The following TTC28 variants were observed in gnomAD, a reference collection of about 807,000 sequenced individuals.
The protein encoded by TTC28 is tetratricopeptide repeat protein 28.
A neutral mutation model predicts 198.0 loss-of-function variants in TTC28; 61 were observed. The ratio of observed to expected loss-of-function variants is 0.31; its 90% CI spans 0.25 to 0.38. The LOEUF is 0.38. Ranked by LOEUF, TTC28 falls within the 10% of genes least tolerant of loss-of-function variation. The pLI is 1.00. For missense variants in TTC28, 2,678 were observed against 3,164.0 expected (o/e 0.85, Z 3.69); for synonymous variants, 1,171 against 1,297.8 (o/e 0.90, Z 2.10).
chr22:28,019,957 C>A (rs907986824), intron 13 of TTC28, among the ~76,000 whole-genome samples: 1 of 152,236 alleles, frequency 6.6e-6, no homozygotes, highest in Non-Finnish European at 1.5e-5. Flanking sequence ...AGGCCTGCCA[C>A]GGCGGCCTCA....
chr22:28,302,790 T>A (rs2145797892), intron 3 of TTC28, among the ~76,000 whole-genome samples: 1 of 152,274 alleles, frequency 6.6e-6, no homozygotes. Flanking sequence ...TTCTCCTGCC[T>A]CAGCCTCCTG....
intron 6 of TTC28, among the ~76,000 whole-genome samples, chr22:28,148,652 C>T (rs1284548765): frequency 6.7e-6 from 1 of 150,248 alleles, no homozygotes; most frequent in East Asian, 1.9e-4. Context: ...CTTCTATATA[C>T]AATTCTCTTT....
At chr22:28,531,496 T>G (rs2049139123) in intron 2 of TTC28, among the ~76,000 whole-genome samples, 1 of 152,162 alleles carries the variant, frequency 6.6e-6, no homozygotes, top group Admixed American at 6.5e-5. Context: ...ATTAAACAGA[T>G]CAATGAGACA....
intron 4 of TTC28, 32 bp downstream of exon 4, chr22:28,297,548 T>G: frequency 2.0e-6 from 3 of 1,536,892 alleles, no homozygotes; most frequent in Non-Finnish European, 1.8e-6. Context: ...TTTGTTCCCT[T>G]TCTGCACTGA....
At chr22:28,640,202 G>A (rs1200556003) in intron 1 of TTC28, among the ~76,000 whole-genome samples, 2 of 150,620 alleles carry the variant, frequency 1.3e-5, no homozygotes, top group Admixed American at 1.3e-4. Context: ...TTAGGCTGTG[G>A]TGAACCGTGA....
intron 2 of TTC28, among the ~76,000 whole-genome samples, chr22:28,498,769 T>C (rs1378157458): frequency 6.6e-6 from 1 of 152,078 alleles, no homozygotes; most frequent in African/African-American, 2.4e-5. Flanking sequence ...TTAGTAGGAG[T>C]TCATTCTTAT....
chr22:28,476,978 T>C (rs2146312643), intron 2 of TTC28, among the ~76,000 whole-genome samples: 2 of 152,300 alleles, frequency 1.3e-5, no homozygotes, highest in Middle Eastern at 6.8e-3. Flanking sequence ...TGGTGAATTG[T>C]ACAGACATTA....
At chr22:28,555,972 A>G (rs750006581) in intron 2 of TTC28, among the ~76,000 whole-genome samples, 5 of 151,822 alleles carry the variant, frequency 3.3e-5, no homozygotes, top group Non-Finnish European at 5.9e-5. Flanking sequence ...CATATATCAG[A>G]CTTTTCTGAG....
intron 5 of TTC28, among the ~76,000 whole-genome samples, chr22:28,248,729 A>G (rs16986197): frequency 0.062 from 9,512 of 152,238 alleles, 449 homozygotes; most frequent in African/African-American, 0.13. Context: ...GGCCAAGAAT[A>G]AAGGTCTACA....
At position 28,615,892 on chromosome 22, in the gene TTC28, T is replaced by C. The variant is rs570645171; in HGVS notation, c.381+13660A>G. On this transcript the variant is annotated intron_variant, in intron 2 of 22. Coordinates refer to ENST00000397906, the MANE Select transcript of TTC28 (RefSeq NM_001145418.2). ...CAAACCACCATGGGATGTGTATACC[T>C]ATGTAACAAACCTGCACATTCTGCA... Among the ~76,000 whole-genome samples the C allele has an allele frequency of 1.4e-3, 219 of 152,276 alleles. 1 individual carries two copies. Among genetic ancestry groups the C allele is most frequent in the African/African-American group, 3.9e-3 (163 of 41,568 alleles).
intron 5 of TTC28, among the ~76,000 whole-genome samples, chr22:28,245,056 C>G (rs1929979076): frequency 6.6e-6 from 1 of 152,090 alleles, no homozygotes; most frequent in Admixed American, 6.6e-5. Context: ...TTAGAGCCAG[C>G]TAGAACAGAA....
At chr22:28,558,154 T>G (rs1024000310) in intron 2 of TTC28, among the ~76,000 whole-genome samples, 23 of 152,246 alleles carry the variant, frequency 1.5e-4, no homozygotes, top group African/African-American at 5.3e-4. Context: ...CTGTTATTCT[T>G]CCGAAGGTGA....
rs1430141427 is a variant in TTC28, at chr22:27,979,096, A to G, written c.*3125T>C. On this transcript the variant is annotated 3_prime_UTR_variant, in exon 23 of 23. Transcript: ENST00000397906. ...GGGCTCCCCGGACGCCAGTCAGTCT[A>G]TCCACTACCTGACTTGCTTTTCCTA... 2 of 152,248 alleles carry G rather than the reference A, an allele frequency of 1.3e-5. No homozygotes were observed. The allele number at this position is 152,248 out of a possible 1,614,324, so 9.4% of individuals were successfully genotyped here.
At chr22:28,504,415 CAT>C (rs975159873) in intron 2 of TTC28, among the ~76,000 whole-genome samples, 1 of 152,002 alleles carries the variant, frequency 6.6e-6, no homozygotes, top group Non-Finnish European at 1.5e-5. Flanking sequence ...CTCATATACA[CAT>C]ATATACATAC....
At chr22:28,577,788 G>A (rs778192949) in intron 2 of TTC28, among the ~76,000 whole-genome samples, 4 of 151,856 alleles carry the variant, frequency 2.6e-5, no homozygotes, top group Non-Finnish European at 4.4e-5. Context: ...AGCTATTCCT[G>A]CTCTTTTTTG....
Position 28,005,172 on chromosome 22 carries a change from C to T in TTC28, c.4219-3619G>A, listed in dbSNP as rs1455620931. ...GCGCTCTCACCAAGGGGCTGTGACC[C>T]TGACTGTGGCAATGTGAGTCCAGGC... On this transcript the variant is annotated intron_variant, in intron 14 of 22. Transcript: ENST00000397906. The surrounding 1 kb of genome is among the most constrained non-coding windows in gnomAD (Gnocchi z 4.9). Among the ~76,000 whole-genome samples the T allele has an allele frequency of 6.6e-6, 1 of 152,222 alleles. No homozygotes were observed. The highest frequency in any genetic ancestry group is 6.5e-5 in the Admixed American group (1 of 15,282).
Position 28,304,794 on chromosome 22 carries a change from C to A in TTC28, c.529+1702G>T, listed in dbSNP as rs76623331. Among the ~76,000 whole-genome samples the A allele has an allele frequency of 2.8e-3, 429 of 152,130 alleles. 15 individuals carry two copies. In the East Asian group the frequency reaches 0.05, roughly 18 times the overall value. On this transcript the variant is annotated intron_variant, in intron 3 of 22. Coordinates refer to ENST00000397906, the MANE Select transcript of TTC28 (RefSeq NM_001145418.2). Reference sequence around the variant, plus strand: ...AATAAAGAGGTAGTATCTTCATGAACTAAATAAAAAATGTTCCATGTAAAT... The same window carrying A: ...AATAAAGAGGTAGTATCTTCATGAAATAAATAAAAAATGTTCCATGTAAAT...
In TTC28 at chr22:28,059,096, C is replaced by T. The variant is rs116845987; in HGVS notation, c.3933-28730G>A. 8.0e-3 allele frequency among the ~76,000 whole-genome samples: 1,223 copies of T among 152,002 alleles called. 7 individuals are homozygous for T. The highest frequency in any genetic ancestry group is 0.014 in the Non-Finnish European group (930 of 67,866). On this transcript the variant is annotated intron_variant, in intron 12 of 22. Coordinates refer to ENST00000397906, the MANE Select transcript of TTC28 (RefSeq NM_001145418.2). ...AATATTGTTTCTCCGTTTTCTCTTT[C>T]ATGGATTTCTGTTCTTATCTTTATC...
chr22:28,465,350 G>A (rs181662825), intron 2 of TTC28, among the ~76,000 whole-genome samples: 5 of 152,018 alleles, frequency 3.3e-5, no homozygotes, highest in Non-Finnish European at 5.9e-5. Flanking sequence ...CCTGGGCCGG[G>A]CACCGTGGCT....
Sources: gnomAD v4.1 joint callset for allele counts (sites outside exome capture counted in the v4.1 genomes callset) on GRCh38, gnomAD v4.1.1 for gene constraint, Gnocchi (gnomAD v3.1) non-coding constraint, MANE v1.5 for transcripts, NCBI Gene and HGNC (gene_info 2026-07-23, HGNC 2026-07-21) for gene names.